PDE1C: variants seen among roughly 807,000 people sequenced by gnomAD.
PDE1C encodes the protein dual specificity calcium/calmodulin-dependent 3',5'-cyclic nucleotide phosphodiesterase 1C.
A neutral mutation model predicts 93.1 loss-of-function variants in PDE1C; 62 were observed. The observed-to-expected ratio is 0.67, with a 90% CI of 0.54 to 0.82. The LOEUF is 0.82. Among genes scored for constraint, PDE1C ranks in the 40% least tolerant of loss-of-function variants. The pLI is 0.00. For synonymous variants in PDE1C, 325 were observed against 310.1 expected (o/e 1.05, Z -0.50); for missense variants, 742 against 884.6 (o/e 0.84, Z 2.04).
intron 1 of PDE1C, among the ~76,000 whole-genome samples, chr7:32,335,063 T>C (rs1281015481): frequency 1.3e-5 from 2 of 152,230 alleles, no homozygotes; most frequent in Admixed American, 6.5e-5. Context: ...GCATGTGAAA[T>C]ATTTACGAAC....
At chr7:32,385,584 GT>G (rs1288877496) in intron 1 of PDE1C, among the ~76,000 whole-genome samples, 2 of 152,106 alleles carry the variant, frequency 1.3e-5, no homozygotes, top group Admixed American at 6.5e-5. Context: ...CCCATCCTGG[GT>G]TTTTGTTCCG....
At chr7:32,410,295 C>T (rs1785140565) in intron 1 of PDE1C, among the ~76,000 whole-genome samples, 1 of 150,910 alleles carries the variant, frequency 6.6e-6, no homozygotes, top group African/African-American at 2.4e-5. Context: ...CATGCTACTG[C>T]ACTCCAGCCT....
the PDE1C span, among the ~76,000 whole-genome samples, chr7:31,731,716 G>C: frequency 4.6e-5 from 7 of 152,206 alleles, no homozygotes; most frequent in Admixed American, 4.6e-4. Flanking sequence ...TCAGCAGGCA[G>C]AATATTTCCA....
intron 1 of PDE1C, among the ~76,000 whole-genome samples, chr7:32,417,277 A>C (rs912080049): frequency 6.9e-6 from 1 of 144,836 alleles, no homozygotes; most frequent in Admixed American, 6.7e-5. Context: ...GAAAGTGATG[A>C]CTTTTTTTTT....
At chr7:32,134,052 T>A (rs1355645905) in intron 3 of PDE1C, among the ~76,000 whole-genome samples, 1 of 151,936 alleles carries the variant, frequency 6.6e-6, no homozygotes, top group Admixed American at 6.6e-5. Context: ...AATATGACTA[T>A]GGAAAGATTT....
chr7:31,880,343 G>A lies in PDE1C; in HGVS notation c.242+404C>T, dbSNP rs140027241. Among the ~76,000 whole-genome samples the A allele has an allele frequency of 5.1e-4, 77 of 152,242 alleles. 1 individual carries two copies. Among genetic ancestry groups the A allele is most frequent in the Middle Eastern group, 6.8e-3 (2 of 294 alleles). The stretch of plus-strand genomic sequence containing the variant: ...GTGCTTAAGAGAACACATGCTTCTC[G>A]ATCACTTCAGGAGCCTCCATTTACT... On this transcript the variant is annotated intron_variant, in intron 3 of 17. Coordinates refer to ENST00000396191, the MANE Select transcript of PDE1C (RefSeq NM_001191057.4).
At chr7:31,936,377 A>G (rs1000635487) in intron 2 of PDE1C, among the ~76,000 whole-genome samples, 4 of 152,084 alleles carry the variant, frequency 2.6e-5, no homozygotes, top group African/African-American at 9.7e-5. Context: ...AAACTCAACA[A>G]TATGCCCTTA....
intron 4 of PDE1C, among the ~76,000 whole-genome samples, chr7:31,878,513 G>A (rs1381753349): frequency 6.6e-6 from 1 of 152,094 alleles, no homozygotes; most frequent in Non-Finnish European, 1.5e-5. Flanking sequence ...AAGGATTATA[G>A]GAAGAATATA....
the PDE1C span, among the ~76,000 whole-genome samples, chr7:31,694,387 AACAC>A: frequency 9.7e-4 from 137 of 141,632 alleles, 1 homozygote; most frequent in Middle Eastern, 3.5e-3. Flanking sequence ...CTCTCTCTCA[AACAC>A]ACACACACAC....
At chr7:31,787,560 A>T (rs1784132727) in intron 16 of PDE1C, 1 of 152,196 alleles carries the variant, frequency 6.6e-6, no homozygotes, top group Admixed American at 6.5e-5. Context: ...AACTTGTCAC[A>T]TTTTATCCAG....
intron 1 of PDE1C, among the ~76,000 whole-genome samples, chr7:32,252,530 T>C (rs949683257): frequency 4.5e-4 from 69 of 152,226 alleles, no homozygotes; most frequent in African/African-American, 1.6e-3. Context: ...AAGAATTAAA[T>C]CCACAGCAAG....
chr7:31,838,285 G>T (rs1009063251), intron 9 of PDE1C, among the ~76,000 whole-genome samples: 4 of 152,122 alleles, frequency 2.6e-5, no homozygotes, highest in Admixed American at 6.6e-5. Flanking sequence ...TTTTAAGAAA[G>T]AATTAACTTG....
chr7:32,365,683 T>C (rs1255483174), intron 1 of PDE1C, among the ~76,000 whole-genome samples: 1 of 152,038 alleles, frequency 6.6e-6, no homozygotes, highest in African/African-American at 2.4e-5. Context: ...AACAGATCTG[T>C]AGCCCCGACC....
intron 1 of PDE1C, chr7:32,298,554 C>A (rs1290434710): frequency 2.8e-6 from 4 of 1,435,998 alleles, no homozygotes; most frequent in Non-Finnish European, 3.8e-6. Context: ...CAGCCCGACC[C>A]CTGAGCTCCC....
Position 32,099,986 on chromosome 7 carries a change from C to G in PDE1C, c.308+69799G>C, listed in dbSNP as rs191594413. Reference sequence around the variant, plus strand: ...AAAGCAGTTGTTGTACCTTCTACATCCCCGTTTTCTACTTTCAACTATCCA... The same window carrying G: ...AAAGCAGTTGTTGTACCTTCTACATGCCCGTTTTCTACTTTCAACTATCCA... On this transcript the variant is annotated intron_variant, in intron 3 of 18. Coordinates refer to the PDE1C transcript ENST00000396193. Among the ~76,000 whole-genome samples, 24 of 152,266 alleles carry G rather than the reference C, an allele frequency of 1.6e-4. No homozygotes were observed. The East Asian group carries it at 4.4e-3, about 28-fold the overall frequency.
At chr7:32,418,433 G>A (rs1464477838) in intron 1 of PDE1C, among the ~76,000 whole-genome samples, 1 of 152,128 alleles carries the variant, frequency 6.6e-6, no homozygotes, top group Non-Finnish European at 1.5e-5. Context: ...AAGTATGCCT[G>A]GCACAGGGTA....
At chr7:32,022,191 G>C (rs1788776327) in intron 2 of PDE1C, among the ~76,000 whole-genome samples, 1 of 151,956 alleles carries the variant, frequency 6.6e-6, no homozygotes, top group Non-Finnish European at 1.5e-5. Flanking sequence ...AAAAAGAAAA[G>C]AAGGGAGGGA....
intron 1 of PDE1C, among the ~76,000 whole-genome samples, chr7:32,253,691 T>C (rs556888588): frequency 6.6e-6 from 1 of 152,170 alleles, no homozygotes; most frequent in African/African-American, 2.4e-5. Flanking sequence ...TGCCAGGCAT[T>C]GAGCTAGATA....
chr7:32,027,756 T>TC (rs1789682741), intron 2 of PDE1C, among the ~76,000 whole-genome samples: 1 of 151,808 alleles, frequency 6.6e-6, no homozygotes, highest in East Asian at 1.9e-4. Context: ...AAAAAAACTT[T>TC]TAAAAAAATC....
Sources: gnomAD v4.1 joint callset for allele counts (sites outside exome capture counted in the v4.1 genomes callset) on GRCh38, gnomAD v4.1.1 for gene constraint, MANE v1.5 for transcripts, NCBI Gene and HGNC (gene_info 2026-07-23, HGNC 2026-07-21) for gene names.